The following GABRG3 variants were observed in gnomAD, a reference collection of about 807,000 sequenced individuals.
The protein encoded by GABRG3 is gamma-aminobutyric acid type A receptor subunit gamma3.
In GABRG3, 25 loss-of-function variants were observed where a neutral mutation model predicts 48.8. The ratio of observed to expected loss-of-function variants is 0.51; its 90% confidence interval spans 0.37 to 0.72. The LOEUF (loss-of-function observed/expected upper bound fraction) is 0.72. GABRG3 is among the 30% of genes least tolerant of loss of function. GABRG3 has a pLI of 0.00. For synonymous variants in GABRG3, 227 were observed against 217.6 expected, an observed-to-expected ratio of 1.04 and a Z score of -0.38; for missense variants, 394 against 577.9, an observed-to-expected ratio of 0.68 and a Z score of 3.26.
chr15:27,002,608 A>G (rs1309737072), intron 2 of GABRG3, among the ~76,000 whole-genome samples: 1 of 151,998 alleles, frequency 6.6e-6, no homozygotes, highest in African/African-American at 2.4e-5. Context: ...TAGTATAAAA[A>G]CTAGAAATAA....
chr15:26,986,510 C>T (rs979121377), intron 2 of GABRG3, among the ~76,000 whole-genome samples: 1 of 152,154 alleles, frequency 6.6e-6, no homozygotes, highest in African/African-American at 2.4e-5. Flanking sequence ...ACCCTTCGCA[C>T]ACACACCTGA....
intron 5 of GABRG3, among the ~76,000 whole-genome samples, chr15:27,360,450 A>G (rs1894983889): frequency 6.6e-6 from 1 of 152,202 alleles, no homozygotes; most frequent in Admixed American, 6.5e-5. Context: ...CACCAGAAAC[A>G]CACTTCTCTG....
rs547772358 is a variant in GABRG3, at chr15:27,515,031, G to A, written c.713-4941G>A. On this transcript the variant is annotated intron_variant, in intron 6 of 9. Coordinates refer to ENST00000615808, the MANE Select transcript of GABRG3 (RefSeq NM_033223.5). ...AATGGTATGAATGGTAAAATAAAAG[G>A]TTGATAAATTTAATTTCCCTAAAAT... Among the ~76,000 whole-genome samples, 16 of 152,192 alleles carry A rather than the reference G, an allele frequency of 1.1e-4. No homozygotes were observed. In the South Asian group the frequency reaches 2.7e-3, roughly 26 times the overall value.
chr15:27,115,464 A>T (rs1483383625), intron 3 of GABRG3, among the ~76,000 whole-genome samples: 1 of 152,160 alleles, frequency 6.6e-6, no homozygotes, highest in African/African-American at 2.4e-5. Context: ...CCTGCCACAC[A>T]TCCAACCCAA....
chr15:27,004,576 T>C (rs1053509017), intron 2 of GABRG3, among the ~76,000 whole-genome samples: 1 of 152,120 alleles, frequency 6.6e-6, no homozygotes, highest in Admixed American at 6.5e-5. Context: ...AATCTTGGCA[T>C]TTTGGGAGGC....
chr15:27,313,196 G>A (rs181751256), intron 3 of GABRG3, among the ~76,000 whole-genome samples: 1 of 127,758 alleles, frequency 7.8e-6, no homozygotes, highest in African/African-American at 2.9e-5. Context: ...ATATATATGT[G>A]TATATATATA....
chr15:27,393,344 C>CAAAAAAAAAAA (rs34689012), intron 5 of GABRG3, among the ~76,000 whole-genome samples: 1 of 112,994 alleles, frequency 8.9e-6, no homozygotes, highest in Non-Finnish European at 1.9e-5. Flanking sequence ...ACTCCGTCTC[C>CAAAAAAAAAAA]AAAAAAAAAA....
intron 2 of GABRG3, among the ~76,000 whole-genome samples, chr15:26,983,268 A>G (rs1729382324): frequency 6.6e-6 from 1 of 151,208 alleles, no homozygotes; most frequent in South Asian, 2.1e-4. Context: ...TGGATTTACT[A>G]TTAGTTTGTG....
chr15:27,070,649 T>C (rs1008225308), intron 3 of GABRG3, among the ~76,000 whole-genome samples: 1 of 152,332 alleles, frequency 6.6e-6, no homozygotes, highest in Admixed American at 6.5e-5. Flanking sequence ...TATGACAATT[T>C]GTATAAATGA....
chr15:27,219,500 G>A (rs1489611371), intron 3 of GABRG3, among the ~76,000 whole-genome samples: 7 of 152,296 alleles, frequency 4.6e-5, no homozygotes, highest in African/African-American at 1.7e-4. Flanking sequence ...CTGTGATGGG[G>A]CAGCTCAGGG....
intron 3 of GABRG3, among the ~76,000 whole-genome samples, chr15:27,133,461 G>C (rs1897955961): frequency 6.6e-6 from 1 of 152,142 alleles, no homozygotes; most frequent in Non-Finnish European, 1.5e-5. Flanking sequence ...CATTGCCCAA[G>C]GCGCTGGTGA....
chr15:27,257,939 G>A (rs1890670576), intron 3 of GABRG3, among the ~76,000 whole-genome samples: 3 of 151,438 alleles, frequency 2.0e-5, no homozygotes, highest in South Asian at 2.1e-4. Flanking sequence ...CGTGAGCCTT[G>A]TGCCCAGCGT....
At chr15:27,373,951 C>T (rs1295203392) in intron 5 of GABRG3, among the ~76,000 whole-genome samples, 2 of 151,934 alleles carry the variant, frequency 1.3e-5, no homozygotes, top group African/African-American at 4.8e-5. Flanking sequence ...CTAATATCTG[C>T]TTTCTAATAC....
rs1341092841 is a variant in GABRG3 at position 27,236,846 on chromosome 15, T to G, written c.271-89963T>G. ...TGCACGTGTGTTTGTTTTATCAATA[T>G]TCGTGATTCCTCCAATAGCTTATTG... On this transcript the variant is annotated intron_variant, in intron 3 of 9. Coordinates refer to ENST00000615808, the MANE Select transcript of GABRG3 (RefSeq NM_033223.5). This position sits in a 1 kb window ranked among gnomAD's most constrained non-coding sequence, Gnocchi z 4.4. Among the ~76,000 whole-genome samples, 1 of 152,218 alleles carries G rather than the reference T, an allele frequency of 6.6e-6. No individual in the cohort carries two copies. Among genetic ancestry groups the G allele is most frequent in the Non-Finnish European group, 1.5e-5 (1 of 68,048 alleles).
intron 3 of GABRG3, among the ~76,000 whole-genome samples, chr15:27,317,375 T>A (rs1893267001): frequency 6.6e-6 from 1 of 152,200 alleles, no homozygotes; most frequent in Non-Finnish European, 1.5e-5. Flanking sequence ...TGTTTGTTTT[T>A]ACCAATGTAG....
chr15:27,092,767 C>T (rs997423875), intron 3 of GABRG3, among the ~76,000 whole-genome samples: 2 of 152,062 alleles, frequency 1.3e-5, no homozygotes, highest in African/African-American at 2.4e-5. Flanking sequence ...ATGACTTGCT[C>T]GGTGTCTTTG....
intron 5 of GABRG3, among the ~76,000 whole-genome samples, chr15:27,445,743 C>T (rs1053363348): frequency 1.3e-5 from 2 of 151,854 alleles, no homozygotes; most frequent in African/African-American, 4.8e-5. Flanking sequence ...GTTTTTTTAA[C>T]CTGAGACTTA....
At chr15:27,425,975 T>G (rs1433752035) in intron 5 of GABRG3, among the ~76,000 whole-genome samples, 1 of 152,210 alleles carries the variant, frequency 6.6e-6, no homozygotes, top group Admixed American at 6.5e-5. Flanking sequence ...CCCTCTCCCA[T>G]CTGGCTACAA....
chr15:27,269,762 T>C (rs556203677), intron 3 of GABRG3, among the ~76,000 whole-genome samples: 70 of 152,280 alleles, frequency 4.6e-4, no homozygotes, highest in African/African-American at 1.7e-3. Flanking sequence ...GGATCATGTA[T>C]CAAAAGGCAT....
Sources: allele counts gnomAD v4.1 joint callset (sites outside exome capture counted in the v4.1 genomes callset), GRCh38; gene constraint gnomAD v4.1.1; non-coding constraint Gnocchi (gnomAD v3.1); transcripts MANE v1.5; gene names NCBI Gene and HGNC (gene_info 2026-07-23, HGNC 2026-07-21).